Variants in ACTL8 observed in about 807,000 individuals in gnomAD.
ACTL8 encodes the protein actin like 8, also known as actin-like protein 8.
In ACTL8, 3 loss-of-function variants were observed where a neutral mutation model predicts 9.3. The ratio of observed to expected loss-of-function variants is 0.32; its 90% CI spans 0.15 to 0.83. The LOEUF (loss-of-function observed/expected upper bound fraction) is 0.83, where lower values mean the gene tolerates loss of function less well. ACTL8 is among the 40% of genes least tolerant of loss of function. The pLI, the probability that ACTL8 is intolerant of heterozygous loss-of-function variation, is 0.57. For synonymous variants in ACTL8, 224 were observed against 205.9 expected, an observed-to-expected ratio of 1.09 and a Z score of -0.75; for missense variants, 381 against 492.2, an observed-to-expected ratio of 0.77 and a Z score of 2.14.
intron 1 of ACTL8, among the ~76,000 whole-genome samples, chr1:17,803,921 C>T (rs2066340687): frequency 6.6e-6 from 1 of 152,120 alleles, no homozygotes. Context: ...AGTTTTTGTA[C>T]CTGTAAGTTG....
intron 1 of ACTL8, among the ~76,000 whole-genome samples, chr1:17,770,975 TTCTAAGAAC>T (rs1201275869): frequency 1.3e-5 from 2 of 152,200 alleles, no homozygotes; most frequent in Non-Finnish European, 2.9e-5. Flanking sequence ...ATCTCTGAGC[TTCTAAGAAC>T]TCATCTGTAA....
Position 17,779,743 on chromosome 1 carries a change from C to T in ACTL8, c.-25+24239C>T, listed in dbSNP as rs775122243. Among the ~76,000 whole-genome samples the T allele has an allele frequency of 6.6e-5, 10 of 152,260 alleles. 1 individual carries two copies. Among genetic ancestry groups the T allele is most frequent in the South Asian group, 6.2e-4 (3 of 4,818 alleles). On this transcript the variant is annotated intron_variant, in intron 1 of 2. Transcript: ENST00000375406. ...ACAGACCACAAGCACACAGACGTCC[C>T]GCTGCTTTTTAACAGTCTTAGCATG...
Position 17,826,606 on chromosome 1 carries a change from A to T in ACTL8, c.*87A>T. ...GCAAAATGTTCTGGGTGGGGGTAGA[A>T]TGAGGTGGGGTGGGGTGAGCTGGCT... On this transcript the variant is annotated 3_prime_UTR_variant, in exon 3 of 3. Transcript: ENST00000375406. The surrounding 1 kb of genome is among the most constrained non-coding windows in gnomAD (Gnocchi z 4.5). The T allele has an allele frequency of 1.8e-4, 194 of 1,090,070 alleles. No individual in the cohort carries two copies. Among genetic ancestry groups the T allele is most frequent in the Middle Eastern group, 2.3e-4 (1 of 4,354 alleles). 67.5% of individuals were successfully genotyped at this position (1,090,070 alleles called of 1,614,324 possible).
rs536768777 is a variant in ACTL8 at position 17,767,087 on chromosome 1, A to G, written c.-25+11583A>G. ...AGTGATGAAGAAGGTGACTTTGGCC[A>G]CAGTGGTCAGGGACGGGGGAAGCAG... On this transcript the variant is annotated intron_variant, in intron 1 of 2. Transcript: ENST00000375406. This position sits in a 1 kb window ranked among gnomAD's most constrained non-coding sequence, Gnocchi z 4.7. Among the ~76,000 whole-genome samples the G allele has an allele frequency of 6.6e-6, 1 of 152,312 alleles. No individual in the cohort carries two copies. The highest frequency in any genetic ancestry group is 2.4e-5 in the African/African-American group (1 of 41,578).
chr1:17,767,926 G>A lies in ACTL8; in HGVS notation c.-25+12422G>A, dbSNP rs549563373. Among the ~76,000 whole-genome samples, 2 of 152,060 alleles carry A rather than the reference G, an allele frequency of 1.3e-5. No homozygotes were observed. The highest frequency in any genetic ancestry group is 1.5e-5 in the Non-Finnish European group (1 of 68,006). ...CCCTGGGTGTGCAGAATGGGTGCTCGTGAATCCCTCTGGTGGGACTGGGTG... is the reference window on the plus strand; with the variant it reads ...CCCTGGGTGTGCAGAATGGGTGCTCATGAATCCCTCTGGTGGGACTGGGTG... On this transcript the variant is annotated intron_variant, in intron 1 of 2. Coordinates refer to ENST00000375406, the MANE Select transcript of ACTL8 (RefSeq NM_030812.3). The surrounding 1 kb of genome is among the most constrained non-coding windows in gnomAD (Gnocchi z 4.7).
At chr1:17,788,350 A>G (rs944269290) in intron 1 of ACTL8, among the ~76,000 whole-genome samples, 2 of 152,036 alleles carry the variant, frequency 1.3e-5, no homozygotes, top group Admixed American at 1.3e-4. Flanking sequence ...TTCCTTTCAC[A>G]TCCACAGCTC....
intron 1 of ACTL8, among the ~76,000 whole-genome samples, chr1:17,817,519 T>C (rs505094): frequency 0.49 from 74,166 of 151,718 alleles, 18,610 homozygotes; most frequent in East Asian, 0.68. Flanking sequence ...CTCTGCTCGG[T>C]CCCGGGACAC....
chr1:17,795,135 G>C (rs779348736), intron 1 of ACTL8, among the ~76,000 whole-genome samples: 1 of 152,210 alleles, frequency 6.6e-6, no homozygotes, highest in Non-Finnish European at 1.5e-5. Flanking sequence ...ATTCTCGCTC[G>C]CACTGCTGTG....
intron 1 of ACTL8, among the ~76,000 whole-genome samples, chr1:17,782,417 A>C (rs182589334): frequency 1.3e-5 from 2 of 152,098 alleles, no homozygotes; most frequent in Admixed American, 1.3e-4. Flanking sequence ...ATATCTGTCC[A>C]TGGTAGGAAA....
chr1:17,819,901 C>T (rs11808346), intron 1 of ACTL8, among the ~76,000 whole-genome samples: 3,497 of 151,766 alleles, frequency 0.023, 128 homozygotes, highest in African/African-American at 0.077. Flanking sequence ...CCCAGCTACC[C>T]AGGAGGCTGA....
chr1:17,763,338 AGAGTC>A (rs1322663343), intron 1 of ACTL8, among the ~76,000 whole-genome samples: 1 of 150,266 alleles, frequency 6.7e-6, no homozygotes. Context: ...TTCAGACCGT[AGAGTC>A]AAGTGACGGG....
chr1:17,761,318 G>A (rs150898095), intron 1 of ACTL8, among the ~76,000 whole-genome samples: 1 of 152,026 alleles, frequency 6.6e-6, no homozygotes, highest in East Asian at 1.9e-4. Flanking sequence ...CTAGCGCAGT[G>A]CCTGGCATGC....
chr1:17,814,570 C>A (rs2066413068), intron 1 of ACTL8, among the ~76,000 whole-genome samples: 1 of 151,972 alleles, frequency 6.6e-6, no homozygotes, highest in Admixed American at 6.6e-5. Flanking sequence ...CATTATGTTA[C>A]AATCGCCTAC....
At chr1:17,820,315 T>C (rs1408669079) in intron 1 of ACTL8, among the ~76,000 whole-genome samples, 1 of 152,186 alleles carries the variant, frequency 6.6e-6, no homozygotes, top group Non-Finnish European at 1.5e-5. Flanking sequence ...TTTATGCACA[T>C]ATTCATGTTA....
At chr1:17,800,303 T>C (rs1454623587) in intron 1 of ACTL8, among the ~76,000 whole-genome samples, 3 of 152,224 alleles carry the variant, frequency 2.0e-5, no homozygotes, top group African/African-American at 7.2e-5. Flanking sequence ...TCGTTGATAA[T>C]ATGAGTGGGG....
At chr1:17,803,266 T>G (rs1284912606) in intron 1 of ACTL8, among the ~76,000 whole-genome samples, 1 of 152,212 alleles carries the variant, frequency 6.6e-6, no homozygotes, top group Non-Finnish European at 1.5e-5. Context: ...TTTGCTTACC[T>G]TTCCACCATG....
intron 2 of ACTL8, among the ~76,000 whole-genome samples, chr1:17,824,506 C>A (rs1018049370): frequency 6.6e-6 from 1 of 152,150 alleles, no homozygotes; most frequent in Non-Finnish European, 1.5e-5. Flanking sequence ...CTGTTTGAGA[C>A]CATACATCAA....
intron 1 of ACTL8, among the ~76,000 whole-genome samples, chr1:17,794,416 C>G (rs989356303): frequency 3.9e-5 from 6 of 152,214 alleles, no homozygotes; most frequent in African/African-American, 1.2e-4. Flanking sequence ...CATTGGCTAC[C>G]AGGACTGTTG....
intron 1 of ACTL8, among the ~76,000 whole-genome samples, chr1:17,763,475 G>T (rs1403104662): frequency 1.3e-5 from 2 of 152,140 alleles, no homozygotes; most frequent in African/African-American, 2.4e-5. Context: ...AACTCGGGGT[G>T]GAGTGGGTCC....
Sources: gnomAD v4.1 joint callset for allele counts (sites outside exome capture counted in the v4.1 genomes callset) on GRCh38, gnomAD v4.1.1 for gene constraint, Gnocchi (gnomAD v3.1) non-coding constraint, MANE v1.5 for transcripts, NCBI Gene and HGNC (gene_info 2026-07-23, HGNC 2026-07-21) for gene names.